Variants in MMS19 observed in about 807,000 individuals in gnomAD.
The protein encoded by MMS19 is MMS19 cytosolic iron-sulfur assembly component, also known as MMS19 nucleotide excision repair protein homolog.
MMS19 carries 77 observed loss-of-function variants against 129.8 expected under a neutral mutation model. The ratio of observed to expected loss-of-function variants is 0.59; its 90% CI spans 0.49 to 0.72. MMS19 has a LOEUF of 0.72. Among genes scored for constraint, MMS19 ranks in the 30% least tolerant of loss-of-function variants. The pLI, the probability that MMS19 is intolerant of heterozygous loss-of-function variation, is 0.00. For synonymous variants in MMS19, 491 were observed against 502.8 expected (o/e 0.98, Z 0.31); for missense variants, 1,168 against 1,266.3 (o/e 0.92, Z 1.18).
Position 97,459,487 on chromosome 10 carries a change from A to G in MMS19, c.2779T>C (p.Cys927Arg). 2 of 1,613,426 alleles carry G rather than the reference A, an allele frequency of 1.2e-6. No individual in the cohort carries two copies. Among genetic ancestry groups the G allele is most frequent in the South Asian group, 1.1e-5 (1 of 90,874 alleles). The change falls in exon 28 of 31, where the codon TGT becomes CGT. Residue 927 changes from cysteine (C) to arginine (R), a missense_variant. Cys to Arg is a radical substitution (Grantham distance 180). Transcript: ENST00000438925. Reference protein sequence around the residue: ...LLLEALSCPDCVVQLSTLSCL... With the variant: ...LLLEALSCPDRVVQLSTLSCL... ...CTGAGGGTGGAGAGCTGCACCACAC[A>G]GTCAGGGCAGGACAGGGCCTCCAGC...
intron 13 of MMS19, 32 bp from the exon 14 acceptor site, chr10:97,467,615 G>T (rs763473640): frequency 1.9e-6 from 3 of 1,601,380 alleles, no homozygotes; most frequent in Non-Finnish European, 2.6e-6. Flanking sequence ...TAGAGTCAAA[G>T]AATATTTTAA....
Position 97,491,534 on chromosome 10 carries a change from A to T in MMS19, c.112+6739T>A, listed in dbSNP as rs1230087748. On this transcript the variant is annotated intron_variant, in intron 1 of 30. Coordinates refer to ENST00000438925, the MANE Select transcript of MMS19 (RefSeq NM_022362.5). ...TAAAAAATTAGCTGGGTGTAGTGGC[A>T]TGCGCCTGTAGTCCCAGCTACTCAG... 4.6e-5 allele frequency among the ~76,000 whole-genome samples: 7 copies of T among 152,178 alleles called. No homozygotes were observed. The South Asian group carries it at 6.2e-4, about 13-fold the overall frequency.
In MMS19 at chr10:97,498,379, G is replaced by C. The variant is rs768525756; in HGVS notation, c.6C>G (p.Ala2=). The change falls in exon 1 of 31, where the codon GCC becomes GCG. Residue 2 remains alanine (A), a synonymous_variant. Transcript: ENST00000438925. The part of the protein sequence containing the change: M[A]AAAAVEAAAP... ...CCGCCGCCTCCACAGCCGCGGCAGC[G>C]GCCATAACGCGAACTAGAGACCGTG... 5.1e-5 allele frequency: 81 copies of C among 1,579,832 alleles called. No individual in the cohort carries two copies. Among genetic ancestry groups the C allele is most frequent in the Non-Finnish European group, 6.7e-5 (79 of 1,170,806 alleles).
intron 1 of MMS19, among the ~76,000 whole-genome samples, chr10:97,488,229 C>T (rs1242678959): frequency 1.3e-5 from 2 of 152,120 alleles, no homozygotes; most frequent in Non-Finnish European, 2.9e-5. Context: ...AATTAAACTA[C>T]ACAGAAACTT....
intron 3 of MMS19, 24 bp from the exon 4 acceptor site, chr10:97,478,413 T>C (rs1254723028): frequency 6.4e-7 from 1 of 1,564,018 alleles, no homozygotes; most frequent in Non-Finnish European, 8.7e-7. Flanking sequence ...ATTCAGCCAT[T>C]AGTTGACATA....
At position 97,498,328 on chromosome 10, in the gene MMS19, G is replaced by A. The variant is rs199503322; in HGVS notation, c.57C>T (p.Leu19=). ...AAAPMGALWG[L]VHDFVVGQQE... ...GCTGACCCACGACGAAGTCGTGCAC[G>A]AGGCCCCATAGGGCACCCATAGGCG... is the stretch of plus-strand genomic sequence containing the variant. Residue 19 remains leucine (L), a synonymous_variant, in exon 1 of 31, where the codon CTC becomes CTT. Transcript: ENST00000438925. 47 of 1,575,134 alleles carry A rather than the reference G, an allele frequency of 3.0e-5. No individual in the cohort carries two copies. In the African/African-American group the frequency reaches 3.1e-4, roughly 10 times the overall value.
intron 8 of MMS19, 124 bp downstream of exon 8, chr10:97,476,559 A>C: frequency 1.3e-6 from 1 of 749,926 alleles, no homozygotes; most frequent in Non-Finnish European, 2.2e-6. Context: ...AGTTTATTAA[A>C]ATATAAAATA....
chr10:97,465,020 CTTTTT>C (rs1463711517), intron 18 of MMS19, among the ~76,000 whole-genome samples: 1 of 146,858 alleles, frequency 6.8e-6, no homozygotes. Flanking sequence ...TTTTTTTTTT[CTTTTT>C]TGAGATGGAG....
intron 1 of MMS19, among the ~76,000 whole-genome samples, chr10:97,486,418 T>C (rs1232258930): frequency 6.6e-6 from 1 of 152,216 alleles, no homozygotes; most frequent in Non-Finnish European, 1.5e-5. Context: ...TGACCTCAGG[T>C]GATCCGCCCA....
At chr10:97,471,210 G>A (rs1212947690) in intron 8 of MMS19, among the ~76,000 whole-genome samples, 1 of 151,826 alleles carries the variant, frequency 6.6e-6, no homozygotes, top group Non-Finnish European at 1.5e-5. Context: ...AAATCATTTT[G>A]TACATGTGGT....
chr10:97,464,672 C>A (rs566344008), intron 18 of MMS19, among the ~76,000 whole-genome samples: 6 of 151,432 alleles, frequency 4.0e-5, no homozygotes, highest in Admixed American at 2.6e-4. Context: ...TCAGATCCCA[C>A]ATGAAAATTA....
chr10:97,482,545 T>C (rs957403955), intron 2 of MMS19, among the ~76,000 whole-genome samples: 3 of 151,814 alleles, frequency 2.0e-5, no homozygotes, highest in Non-Finnish European at 4.4e-5. Flanking sequence ...GAAGGGGAAA[T>C]GACTGCTAAT....
intron 8 of MMS19, among the ~76,000 whole-genome samples, chr10:97,473,749 T>TCAACA (rs1281339599): frequency 1.3e-5 from 2 of 152,174 alleles, no homozygotes; most frequent in Non-Finnish European, 2.9e-5. Flanking sequence ...TCTATTGGGA[T>TCAACA]ATAGCTACTG....
chr10:97,485,623 T>C (rs1350688449), intron 1 of MMS19, among the ~76,000 whole-genome samples: 1 of 152,256 alleles, frequency 6.6e-6, no homozygotes, highest in East Asian at 1.9e-4. Context: ...AATTTTTGTA[T>C]TTTTAGTAGA....
intron 18 of MMS19, among the ~76,000 whole-genome samples, chr10:97,464,954 T>C (rs1030072978): frequency 7.2e-5 from 11 of 152,180 alleles, no homozygotes; most frequent in African/African-American, 2.7e-4. Context: ...TCCATCAGCC[T>C]TGGCCTCCCA....
chr10:97,484,074 G>T (rs1231248782), intron 2 of MMS19, 29 bp downstream of exon 2: 3 of 1,464,840 alleles, frequency 2.0e-6, no homozygotes, highest in Non-Finnish European at 2.8e-6. Context: ...CAGGGTTGGA[G>T]AAGAACATTC....
intron 21 of MMS19, 47 bp downstream of exon 21, chr10:97,461,970 C>A (rs1455696594): frequency 6.4e-7 from 1 of 1,564,828 alleles, no homozygotes; most frequent in Admixed American, 1.9e-5. Flanking sequence ...TCCAGATTAG[C>A]CCTAAAAAAA....
At chr10:97,472,023 A>C (rs2034813877) in intron 8 of MMS19, among the ~76,000 whole-genome samples, 1 of 152,180 alleles carries the variant, frequency 6.6e-6, no homozygotes, top group South Asian at 2.1e-4. Context: ...AATTTACAGG[A>C]CTAATGGACA....
Position 97,458,705 on chromosome 10 carries a change from C to T in MMS19, c.3080G>A (p.Ser1027Asn), listed in dbSNP as rs914100661. 7 of 1,609,662 alleles carry T rather than the reference C, an allele frequency of 4.3e-6. No homozygotes were observed. Among genetic ancestry groups the T allele is most frequent in the African/African-American group, 1.3e-5 (1 of 74,952 alleles). The change falls in exon 31 of 31, where the codon AGC becomes AAC. Residue 1027 changes from serine to asparagine, a missense_variant. Transcript: ENST00000438925. ...SARGEWFLLG[S>N]PGS is the part of the protein sequence containing the mutation. ...AGGACTGAGGGCTCAGCTGCCAGGG[C>T]TCCCCAACAGAAACCTGTAGGCAAA...
Sources: allele counts gnomAD v4.1 joint callset (sites outside exome capture counted in the v4.1 genomes callset), GRCh38; gene constraint gnomAD v4.1.1; transcripts MANE v1.5; gene names NCBI Gene and HGNC (gene_info 2026-07-23, HGNC 2026-07-21).